MEI4: variants seen among roughly 807,000 people sequenced by gnomAD.
MEI4 encodes the protein meiotic double-stranded break formation protein 4.
Under a neutral mutation model 31.4 loss-of-function variants are expected in MEI4, and 27 were observed. That is an observed-to-expected ratio of 0.86 (90% CI 0.63 to 1.19). The LOEUF (loss-of-function observed/expected upper bound fraction) is 1.19, where lower values mean the gene tolerates loss of function less well. Among genes scored for constraint, MEI4 ranks in the 50% most tolerant of loss-of-function variants. The probability of loss-of-function intolerance (pLI) is 0.00; values close to 1 mark genes in which losing one functional copy is unlikely to be tolerated. For missense variants in MEI4, 329 were observed against 398.9 expected, an observed-to-expected ratio of 0.82 and a Z score of 1.49; for synonymous variants, 122 against 145.4, an observed-to-expected ratio of 0.84 and a Z score of 1.16.
chr6:77,716,248 T>C (rs919447123), intron 2 of MEI4, among the ~76,000 whole-genome samples: 1 of 152,180 alleles, frequency 6.6e-6, no homozygotes, highest in African/African-American at 2.4e-5. Flanking sequence ...GAGATGGCCT[T>C]CTTGAAGAGA....
intron 2 of MEI4, among the ~76,000 whole-genome samples, chr6:77,733,902 G>A (rs570547709): frequency 3.3e-5 from 5 of 152,174 alleles, no homozygotes; most frequent in South Asian, 2.1e-4. Flanking sequence ...AGTCATTCAG[G>A]AGCATGTTGT....
intron 3 of MEI4, among the ~76,000 whole-genome samples, chr6:77,768,673 C>T (rs991152465): frequency 2.7e-5 from 4 of 150,262 alleles, no homozygotes; most frequent in African/African-American, 9.8e-5. Context: ...GCACTCCCGC[C>T]TGGGTGACAG....
At chr6:77,659,763 T>G (rs1001091052) in intron 1 of MEI4, among the ~76,000 whole-genome samples, 3 of 152,090 alleles carry the variant, frequency 2.0e-5, no homozygotes, top group African/African-American at 7.2e-5. Flanking sequence ...GCTGGAAGGC[T>G]CCAATTGTTT....
chr6:77,849,710 T>C lies in MEI4; in HGVS notation c.900+20648T>C, dbSNP rs561596671. On this transcript the variant is annotated intron_variant, in intron 4 of 4. Coordinates refer to ENST00000684080, the MANE Select transcript of MEI4 (RefSeq NM_001322247.2). ...TAGAGCTGTAGTGCATACCGTAAAG[T>C]AGAACAGATATTTAGCGGTGCCTGG... Among the ~76,000 whole-genome samples the C allele has an allele frequency of 1.5e-4, 23 of 152,266 alleles. No individual in the cohort carries two copies. The South Asian group carries it at 3.1e-3, about 21-fold the overall frequency.
intron 4 of MEI4, among the ~76,000 whole-genome samples, chr6:77,877,544 T>C (rs1291377269): frequency 6.6e-6 from 1 of 152,058 alleles, no homozygotes; most frequent in African/African-American, 2.4e-5. Context: ...CACATACGTA[T>C]CTATGTAGAT....
chr6:77,749,482 CA>C (rs1767707639), intron 2 of MEI4, among the ~76,000 whole-genome samples: 1 of 151,952 alleles, frequency 6.6e-6, no homozygotes, highest in African/African-American at 2.4e-5. Context: ...ACACAAGTAT[CA>C]ATAGCTGAAT....
At chr6:77,746,682 T>C (rs72898531) in intron 2 of MEI4, among the ~76,000 whole-genome samples, 14,173 of 151,176 alleles carry the variant, frequency 0.094, 857 homozygotes, top group Non-Finnish European at 0.13. Flanking sequence ...TGTATGAATA[T>C]GTACATATAT....
intron 3 of MEI4, among the ~76,000 whole-genome samples, chr6:77,784,297 T>C (rs1459991127): frequency 6.6e-6 from 1 of 152,202 alleles, no homozygotes; most frequent in Admixed American, 6.6e-5. Flanking sequence ...TACTGAAGTT[T>C]TAAGATGCTG....
At chr6:77,759,127 A>G (rs1767985046) in intron 2 of MEI4, among the ~76,000 whole-genome samples, 1 of 151,964 alleles carries the variant, frequency 6.6e-6, no homozygotes, top group African/African-American at 2.4e-5. Context: ...TTTTCAACCT[A>G]TTGTTTTGGT....
chr6:77,878,609 TG>T (rs1165257202), intron 4 of MEI4, among the ~76,000 whole-genome samples: 1 of 151,158 alleles, frequency 6.6e-6, no homozygotes, highest in Non-Finnish European at 1.5e-5. Flanking sequence ...TCATTTCAAA[TG>T]ACCTGTAGAT....
intron 4 of MEI4, among the ~76,000 whole-genome samples, chr6:77,882,400 A>G (rs1231719816): frequency 1.3e-5 from 2 of 152,148 alleles, no homozygotes; most frequent in Non-Finnish European, 2.9e-5. Flanking sequence ...CTGTTTTTGA[A>G]TTGTGTCATA....
chr6:77,905,930 T>C (rs1382974107), intron 4 of MEI4, among the ~76,000 whole-genome samples: 2 of 151,940 alleles, frequency 1.3e-5, no homozygotes, highest in African/African-American at 4.8e-5. Context: ...TCGCATATTT[T>C]CAAATAACTT....
chr6:77,863,637 C>A (rs1056869365), intron 4 of MEI4, among the ~76,000 whole-genome samples: 1 of 152,174 alleles, frequency 6.6e-6, no homozygotes, highest in Non-Finnish European at 1.5e-5. Flanking sequence ...GAGAATGGAA[C>A]CAAGTTGGAA....
chr6:77,773,739 T>G (rs539335265), intron 3 of MEI4, among the ~76,000 whole-genome samples: 15 of 152,128 alleles, frequency 9.9e-5, no homozygotes, highest in Middle Eastern at 3.4e-3. Context: ...ACCCACAGAA[T>G]GGGAGGAAAT....
At chr6:77,794,797 C>G (rs1769035072) in intron 3 of MEI4, among the ~76,000 whole-genome samples, 2 of 151,952 alleles carry the variant, frequency 1.3e-5, no homozygotes, top group Non-Finnish European at 2.9e-5. Flanking sequence ...CACATTTTTT[C>G]AAGTCTATAA....
intron 4 of MEI4, among the ~76,000 whole-genome samples, chr6:77,903,743 A>G (rs549456220): frequency 6.6e-6 from 1 of 152,232 alleles, no homozygotes; most frequent in Admixed American, 6.5e-5. Context: ...TTAGCATGAA[A>G]TGATGTTTAA....
chr6:77,892,273 G>C (rs1171034341), intron 4 of MEI4, among the ~76,000 whole-genome samples: 5 of 152,156 alleles, frequency 3.3e-5, no homozygotes, highest in Non-Finnish European at 7.4e-5. Context: ...CTTTCCTCAG[G>C]CTTCCCTGTT....
In MEI4 at chr6:77,755,044, C is replaced by T. The variant is rs189156463; in HGVS notation, c.233-6086C>T. ...ATAAGTAAGAAAGGTATCAAGAATT[C>T]ATGTGACTGGGCACAGTTGGTGGCA... On this transcript the variant is annotated intron_variant, in intron 2 of 4. Transcript: ENST00000684080. 1.4e-4 allele frequency among the ~76,000 whole-genome samples: 21 copies of T among 152,146 alleles called. No homozygotes were observed. The East Asian group carries it at 3.9e-3, about 28-fold the overall frequency.
At chr6:77,756,718 C>G (rs571569288) in intron 2 of MEI4, among the ~76,000 whole-genome samples, 1 of 150,960 alleles carries the variant, frequency 6.6e-6, no homozygotes, top group East Asian at 2.0e-4. Flanking sequence ...GTCCTTCTGT[C>G]TCATCTTTCT....
Sources: allele counts gnomAD v4.1 joint callset (sites outside exome capture counted in the v4.1 genomes callset), GRCh38; gene constraint gnomAD v4.1.1; transcripts MANE v1.5; gene names NCBI Gene and HGNC (gene_info 2026-07-23, HGNC 2026-07-21).